The following CDC42SE2 variants were observed in gnomAD, a reference collection of about 807,000 sequenced individuals.
CDC42SE2 encodes CDC42 small effector protein 2.
CDC42SE2 carries 3 observed loss-of-function variants against 11.5 expected under a neutral mutation model. The observed-to-expected ratio is 0.26, with a 90% CI of 0.12 to 0.67. The LOEUF is 0.67. Among genes scored for constraint, CDC42SE2 ranks in the 30% least tolerant of loss-of-function variants. The pLI is 0.80. For synonymous variants in CDC42SE2, 33 were observed against 34.8 expected (o/e 0.95, Z 0.18); for missense variants, 82 against 106.8 (o/e 0.77, Z 1.02).
intron 1 of CDC42SE2, among the ~76,000 whole-genome samples, chr5:131,295,641 G>T (rs1487429123): frequency 6.6e-6 from 1 of 151,960 alleles, no homozygotes; most frequent in East Asian, 1.9e-4. Context: ...TCTCTGGAGC[G>T]GGGAACAGGA....
At chr5:131,295,301 A>G (rs1393845513) in intron 1 of CDC42SE2, among the ~76,000 whole-genome samples, 2 of 151,938 alleles carry the variant, frequency 1.3e-5, no homozygotes, top group Non-Finnish European at 2.9e-5. Flanking sequence ...CCAAACCAAA[A>G]CAAAAAACCA....
intron 1 of CDC42SE2, among the ~76,000 whole-genome samples, chr5:131,271,897 A>C (rs1221310592): frequency 6.6e-6 from 1 of 152,078 alleles, no homozygotes; most frequent in Non-Finnish European, 1.5e-5. Context: ...ACATCTGGGA[A>C]GTTGAGCATG....
intron 1 of CDC42SE2, among the ~76,000 whole-genome samples, chr5:131,296,579 T>A (rs1189647344): frequency 6.6e-6 from 1 of 152,190 alleles, no homozygotes; most frequent in East Asian, 1.9e-4. Context: ...TCTCCTTCTG[T>A]GTCTCTGTTT....
At chr5:131,311,416 G>T (rs1288244434) in intron 1 of CDC42SE2, among the ~76,000 whole-genome samples, 1 of 151,740 alleles carries the variant, frequency 6.6e-6, no homozygotes, top group East Asian at 1.9e-4. Flanking sequence ...TGACAATTAT[G>T]TGTCTTGGAG....
the CDC42SE2 span, among the ~76,000 whole-genome samples, chr5:131,227,896 A>G: frequency 6.6e-6 from 1 of 152,158 alleles, no homozygotes; most frequent in South Asian, 2.1e-4. Flanking sequence ...AAATACAAAA[A>G]TCATCCGGAG....
At chr5:131,330,842 C>A (rs10477731) in intron 2 of CDC42SE2, among the ~76,000 whole-genome samples, 2,793 of 142,844 alleles carry the variant, frequency 0.02, 42 homozygotes, top group Middle Eastern at 0.08. Context: ...CATATAGACC[C>A]TGCCTTTACA....
Position 131,391,100 on chromosome 5 carries a change from C to A in CDC42SE2, c.*9C>A. The A allele has an allele frequency of 6.2e-7, 1 of 1,606,670 alleles. No individual in the cohort carries two copies. The highest frequency in any genetic ancestry group is 8.5e-7 in the Non-Finnish European group (1 of 1,174,270). On this transcript the variant is annotated 3_prime_UTR_variant, in exon 5 of 5. Transcript: ENST00000505065. ...ATACGAAGGCGGGATAGCCCTGGTCCTTTCTCCAGTGAGTACTCAGAGCTG... is the reference window on the plus strand; with the variant it reads ...ATACGAAGGCGGGATAGCCCTGGTCATTTCTCCAGTGAGTACTCAGAGCTG...
chr5:131,233,425 T>C, the CDC42SE2 span, among the ~76,000 whole-genome samples: 1 of 152,208 alleles, frequency 6.6e-6, no homozygotes. Flanking sequence ...AGGAGTGCAG[T>C]GATGCGATCT....
At chr5:131,325,143 A>T (rs1009311830) in intron 2 of CDC42SE2, among the ~76,000 whole-genome samples, 2 of 152,154 alleles carry the variant, frequency 1.3e-5, no homozygotes, top group African/African-American at 4.8e-5. Context: ...GCAAGAAAAC[A>T]TTTTTGTGTG....
At chr5:131,230,981 G>A in the CDC42SE2 span, among the ~76,000 whole-genome samples, 2 of 152,114 alleles carry the variant, frequency 1.3e-5, no homozygotes, top group South Asian at 2.1e-4. Context: ...GTATGTATAT[G>A]TTTTCTATAT....
At chr5:131,378,151 TTA>T (rs1750209173) in intron 3 of CDC42SE2, among the ~76,000 whole-genome samples, 1 of 152,198 alleles carries the variant, frequency 6.6e-6, no homozygotes, top group South Asian at 2.1e-4. Flanking sequence ...CTCGGAATGT[TTA>T]TGTTTGAGCT....
chr5:131,330,376 T>A lies in CDC42SE2; in HGVS notation c.-286+14232T>A, dbSNP rs1280713669. ...AAGAATAACTAATACCACACAAGGT[T>A]ATTAGAGTTTTTTTTTCTGTTCCTG... On this transcript the variant is annotated intron_variant, in intron 2 of 4. Coordinates refer to ENST00000505065, the MANE Select transcript of CDC42SE2 (RefSeq NM_001375635.1). Among the ~76,000 whole-genome samples, 4 of 152,294 alleles carry A rather than the reference T, an allele frequency of 2.6e-5. No homozygotes were observed. The East Asian group carries it at 7.7e-4, about 29-fold the overall frequency.
chr5:131,316,310 T>C (rs1051831018), intron 2 of CDC42SE2, among the ~76,000 whole-genome samples, 166 bp downstream of exon 2: 3 of 152,268 alleles, frequency 2.0e-5, no homozygotes, highest in Non-Finnish European at 4.4e-5. Context: ...TCATGTTTAA[T>C]GTCTGATTTC....
At chr5:131,293,326 C>T (rs553794277) in intron 1 of CDC42SE2, among the ~76,000 whole-genome samples, 27 of 152,332 alleles carry the variant, frequency 1.8e-4, no homozygotes, top group African/African-American at 6.5e-4. Flanking sequence ...AATCCCAGCA[C>T]TTTGGGAGGC....
the CDC42SE2 span, among the ~76,000 whole-genome samples, chr5:131,225,763 A>G: frequency 5.9e-5 from 9 of 152,068 alleles, no homozygotes; most frequent in Admixed American, 4.6e-4. Flanking sequence ...TAGACCTACA[A>G]CCAGATTTAA....
upstream of CDC42SE2, among the ~76,000 whole-genome samples, chr5:131,242,519 C>G (rs181998468): frequency 1.3e-5 from 2 of 151,990 alleles, no homozygotes; most frequent in African/African-American, 4.8e-5. Context: ...TTCATGCAAT[C>G]TTTTTATTCA....
At chr5:131,259,098 A>C (rs1460984898), upstream of CDC42SE2, among the ~76,000 whole-genome samples, 7 of 152,078 alleles carry the variant, frequency 4.6e-5, no homozygotes, top group Non-Finnish European at 1.0e-4. Flanking sequence ...AATAAATTCC[A>C]CAATTCCTGA....
At chr5:131,338,460 C>T (rs568938909) in intron 2 of CDC42SE2, among the ~76,000 whole-genome samples, 1 of 152,162 alleles carries the variant, frequency 6.6e-6, no homozygotes, top group Non-Finnish European at 1.5e-5. Flanking sequence ...GAGTTTTGAG[C>T]AGAATGCCTG....
intron 3 of CDC42SE2, among the ~76,000 whole-genome samples, chr5:131,384,241 G>T (rs575874456): frequency 6.6e-6 from 1 of 152,282 alleles, no homozygotes; most frequent in Admixed American, 6.5e-5. Flanking sequence ...ATAAACGAGA[G>T]GACAGTAAAA....
Sources: allele counts gnomAD v4.1 joint callset (sites outside exome capture counted in the v4.1 genomes callset), GRCh38; gene constraint gnomAD v4.1.1; transcripts MANE v1.5; gene names NCBI Gene and HGNC (gene_info 2026-07-23, HGNC 2026-07-21).